ATG16L2: variants seen among roughly 807,000 people sequenced by gnomAD.
ATG16L2 encodes the protein autophagy related 16 like 2, also known as protein Atg16l2.
A neutral mutation model predicts 84.7 loss-of-function variants in ATG16L2; 77 were observed. The ratio of observed to expected loss-of-function variants is 0.91; its 90% CI spans 0.76 to 1.10. ATG16L2 has a LOEUF of 1.10. Among genes scored for constraint, ATG16L2 ranks in the 50% least tolerant of loss-of-function variants. The probability of loss-of-function intolerance (pLI) is 0.00; values close to 1 mark genes in which losing one functional copy is unlikely to be tolerated. For synonymous variants in ATG16L2, 361 were observed against 342.8 expected, an observed-to-expected ratio of 1.05 and a Z score of -0.59; for missense variants, 782 against 817.6, an observed-to-expected ratio of 0.96 and a Z score of 0.53.
At chr11:72,827,655 G>C (rs563440636) in intron 14 of ATG16L2, among the ~76,000 whole-genome samples, 63 of 152,328 alleles carry the variant, frequency 4.1e-4, no homozygotes, top group African/African-American at 1.5e-3. Flanking sequence ...AGCAAAGCTA[G>C]AGGCCAGGCG....
intron 8 of ATG16L2, 119 bp from the exon 9 acceptor site, chr11:72,824,615 G>T (rs1300996797): frequency 2.6e-6 from 2 of 765,234 alleles, no homozygotes; most frequent in Non-Finnish European, 4.6e-6. Flanking sequence ...GCTCCTTGGG[G>T]CCATGTTCTG....
At chr11:72,832,963 C>T (rs1471213408), downstream of ATG16L2, among the ~76,000 whole-genome samples, 3 of 152,200 alleles carry the variant, frequency 2.0e-5, no homozygotes, top group Non-Finnish European at 4.4e-5. Context: ...GGCTCTTCTG[C>T]AGAGCTGTTC....
Position 72,829,286 on chromosome 11 carries a change from C to A in ATG16L2, c.1773-17C>A. ...GTTCCTGAAGCCCCCCTGAAGCCTGCCCCTCCCTTTCCCCAGCGCTGCCGT... is the reference window on the plus strand; with the variant it reads ...GTTCCTGAAGCCCCCCTGAAGCCTGACCCTCCCTTTCCCCAGCGCTGCCGT... On this transcript the variant is annotated splice_polypyrimidine_tract_variant and intron_variant, in intron 17 of 17. Coordinates refer to ENST00000321297, the MANE Select transcript of ATG16L2 (RefSeq NM_033388.2). The A allele has an allele frequency of 6.2e-7, 1 of 1,611,580 alleles. No individual in the cohort carries two copies. The highest frequency in any genetic ancestry group is 8.5e-7 in the Non-Finnish European group (1 of 1,178,628).
intron 14 of ATG16L2, among the ~76,000 whole-genome samples, chr11:72,827,858 G>A (rs571455963): frequency 3.3e-5 from 5 of 152,194 alleles, no homozygotes; most frequent in Non-Finnish European, 7.3e-5. Context: ...GCTTGAACCC[G>A]GGAGGCAGAG....
chr11:72,821,688 G>A lies in ATG16L2; in HGVS notation c.339G>A (p.Glu113=). The A allele has an allele frequency of 6.5e-7, 1 of 1,537,070 alleles. No homozygotes were observed. Among genetic ancestry groups the A allele is most frequent in the Non-Finnish European group, 8.7e-7 (1 of 1,146,024 alleles). The part of the protein sequence containing the change: ...VCGEMAYQVV[E]KGAALGTLES... ...CCCAGATGGCCTACCAGGTGGTGGA[G>A]AAGGGCGCGGCCCTGGGCACGCTGG... The change falls in exon 4 of 18, where the codon GAG becomes GAA. Residue 113 remains glutamate (E), a synonymous_variant. Coordinates refer to ENST00000321297, the MANE Select transcript of ATG16L2 (RefSeq NM_033388.2).
rs1211602861 is a variant in ATG16L2 at position 72,822,841 on chromosome 11, C to G, written c.711-7C>G. The G allele has an allele frequency of 6.5e-7, 1 of 1,548,894 alleles. No homozygotes were observed. Among genetic ancestry groups the G allele is most frequent in the African/African-American group, 1.4e-5 (1 of 72,888 alleles). On this transcript the variant is annotated splice_region_variant and splice_polypyrimidine_tract_variant and intron_variant, in intron 6 of 17. Coordinates refer to ENST00000321297, the MANE Select transcript of ATG16L2 (RefSeq NM_033388.2). This position sits in a 1 kb window ranked among gnomAD's most constrained non-coding sequence, Gnocchi z 4.2. ...TTGGCCTTTCTGAACTTCATTACCT[C>G]TCCTAGGGGCCCGGACACCCTAGGC...
chr11:72,838,484 CT>C (rs1276744620), intron 5 of ATG16L2: 1 of 415,574 alleles, frequency 2.4e-6, no homozygotes, highest in African/African-American at 2.0e-5. Context: ...GGAATGAGGC[CT>C]GTTCTTGAGT....
At chr11:72,823,018 C>A in intron 7 of ATG16L2, 57 bp downstream of exon 7, 2 of 1,258,790 alleles carry the variant, frequency 1.6e-6, no homozygotes, top group Non-Finnish European at 2.2e-6. Flanking sequence ...CCAGAGGCTG[C>A]CAGGGTCTTC....
chr11:72,829,640 G>A (rs982265991), downstream of ATG16L2: 65 of 1,302,742 alleles, frequency 5.0e-5, no homozygotes, highest in African/African-American at 7.5e-5. Context: ...TCTGAACTGC[G>A]TCTGCCTACC....
intron 3 of ATG16L2, among the ~76,000 whole-genome samples, chr11:72,820,813 CTG>C (rs1459663995): frequency 2.0e-5 from 3 of 151,984 alleles, no homozygotes; most frequent in African/African-American, 7.2e-5. Context: ...TGCCTGGGGT[CTG>C]TCTCTCCCAC....
Position 72,828,398 on chromosome 11 carries a change from G to C in ATG16L2, c.1512G>C (p.Arg504=). 6.2e-7 allele frequency: 1 copy of C among 1,614,152 alleles called. No homozygotes were observed. The highest frequency in any genetic ancestry group is 8.5e-7 in the Non-Finnish European group (1 of 1,180,028). ...CCCAGGTCATCCCTGTGCAGGGCCG[G>C]GTCACCTCCCTGAGCCTCAGCCACG... is the stretch of plus-strand genomic sequence containing the variant. ...HCTQVIPVQG[R]VTSLSLSHDQ... is the part of the protein sequence containing the mutation. Residue 504 remains arginine (R), a synonymous_variant, in exon 15 of 18, where the codon CGG becomes CGC. Transcript: ENST00000321297.
In ATG16L2 at chr11:72,827,277, C is replaced by T. The variant is rs201308008; in HGVS notation, c.1456C>T (p.Arg486Trp). 51 of 1,613,492 alleles carry T rather than the reference C, an allele frequency of 3.2e-5. No homozygotes were observed. The highest frequency in any genetic ancestry group is 1.6e-4 in the Middle Eastern group (1 of 6,084). The stretch of plus-strand genomic sequence containing the variant: ...TAGTGGCCACAATGACCAGAAGATC[C>T]GGTTCTGGGACAGCAGGTGACAGGC... ...IISGHNDQKI[R>W]FWDSRGPHCT... The change falls in exon 14 of 18, where the codon CGG becomes TGG. Residue 486 changes from arginine (R) to tryptophan (W), a missense_variant. Transcript: ENST00000321297.
rs1434955529 is a variant in ATG16L2 at position 72,843,235 on chromosome 11, C to G, written c.*640C>G. ...GTGTGTGACCGACTGTCCAAAGCGGCCAGGGACTGCAGCATGCTCAGGAGG... is the reference window on the plus strand; with the variant it reads ...GTGTGTGACCGACTGTCCAAAGCGGGCAGGGACTGCAGCATGCTCAGGAGG... On this transcript the variant is annotated 3_prime_UTR_variant, in exon 6 of 6. Transcript: ENST00000534905. The G allele has an allele frequency of 1.9e-6, 3 of 1,613,966 alleles. No homozygotes were observed. The Admixed American group carries it at 5.0e-5, about 27-fold the overall frequency.
chr11:72,817,509 A>G (rs143921286), intron 2 of ATG16L2, among the ~76,000 whole-genome samples: 65 of 152,260 alleles, frequency 4.3e-4, no homozygotes, highest in African/African-American at 1.4e-3. Context: ...GTGAGCCACC[A>G]CGCCTGACTG....
chr11:72,834,241 T>C (rs1860669194), downstream of ATG16L2, among the ~76,000 whole-genome samples: 1 of 152,206 alleles, frequency 6.6e-6, no homozygotes, highest in African/African-American at 2.4e-5. Flanking sequence ...AATGCGAAGA[T>C]TCAGAGCAGC....
downstream of ATG16L2, among the ~76,000 whole-genome samples, chr11:72,832,706 C>T (rs920588052): frequency 3.3e-5 from 5 of 152,200 alleles, no homozygotes; most frequent in African/African-American, 1.2e-4. Flanking sequence ...AAAACTGAGA[C>T]CCAGAGATGG....
intron 5 of ATG16L2, among the ~76,000 whole-genome samples, chr11:72,835,861 G>C (rs913512514): frequency 1.3e-5 from 2 of 150,844 alleles, no homozygotes; most frequent in Admixed American, 1.3e-4. Context: ...CGATTCTCCT[G>C]CCTCAGCCTC....
chr11:72,838,772 T>C (rs188958650), intron 5 of ATG16L2: 4 of 1,578,568 alleles, frequency 2.5e-6, no homozygotes, highest in Admixed American at 3.6e-5. Context: ...GTAGCAGTAA[T>C]GGATGGGCAA....
rs769697470 is a variant in ATG16L2 at position 72,822,513 on chromosome 11, A to C, written c.680A>C (p.Lys227Thr). The stretch of plus-strand genomic sequence containing the variant: ...GCGCGGGTGTCCCAGGAGCTGAAGA[A>C]GGCTGCCAAGCGGACCGTGAGCATC... ...KQARVSQELK[K>T]AAKRTVSISE... The change falls in exon 6 of 18, where the codon AAG becomes ACG. Residue 227 changes from lysine (K) to threonine (T), a missense_variant. Physicochemically the swap from Lys to Thr is moderately conservative, Grantham distance 78. Coordinates refer to ENST00000321297, the MANE Select transcript of ATG16L2 (RefSeq NM_033388.2). The surrounding 1 kb of genome is among the most constrained non-coding windows in gnomAD (Gnocchi z 4.2). 1.1e-5 allele frequency: 17 copies of C among 1,612,796 alleles called. No homozygotes were observed. The African/African-American group carries it at 1.5e-4, about 14-fold the overall frequency.
Sources: gnomAD v4.1 joint callset for allele counts (sites outside exome capture counted in the v4.1 genomes callset) on GRCh38, gnomAD v4.1.1 for gene constraint, Gnocchi (gnomAD v3.1) non-coding constraint, MANE v1.5 for transcripts, NCBI Gene and HGNC (gene_info 2026-07-23, HGNC 2026-07-21) for gene names.